The following LHPP variants were observed in gnomAD, a reference collection of about 807,000 sequenced individuals.
LHPP encodes the protein phospholysine phosphohistidine inorganic pyrophosphate phosphatase.
LHPP carries 24 observed loss-of-function variants against 30.3 expected under a neutral mutation model. The ratio of observed to expected loss-of-function variants is 0.79; its 90% CI spans 0.57 to 1.11. The LOEUF (loss-of-function observed/expected upper bound fraction) is 1.11, where lower values mean the gene tolerates loss of function less well. LHPP is among the 50% of genes most tolerant of loss of function. The probability of loss-of-function intolerance (pLI) is 0.00; values close to 1 mark genes in which losing one functional copy is unlikely to be tolerated. For synonymous variants in LHPP, 150 were observed against 157.1 expected (o/e 0.95, Z 0.34); for missense variants, 356 against 367.2 (o/e 0.97, Z 0.25).
intron 3 of LHPP, among the ~76,000 whole-genome samples, chr10:124,495,193 C>G (rs1953666877): frequency 6.6e-6 from 1 of 152,068 alleles, no homozygotes; most frequent in South Asian, 2.1e-4. Context: ...TTTTCAGGTC[C>G]CCCCTCTGTG....
At chr10:124,571,685 G>GTT (rs35969782) in intron 6 of LHPP, among the ~76,000 whole-genome samples, 4 of 152,062 alleles carry the variant, frequency 2.6e-5, no homozygotes, top group African/African-American at 7.2e-5. Flanking sequence ...GACTTTTTGT[G>GTT]TTTTTTTGCT....
intron 3 of LHPP, among the ~76,000 whole-genome samples, chr10:124,492,917 G>A (rs77517591): frequency 3.2e-4 from 49 of 152,248 alleles, no homozygotes; most frequent in African/African-American, 9.9e-4. Context: ...GCTGAGCTTC[G>A]TGGCACACGC....
chr10:124,530,857 A>G (rs1429565853), intron 6 of LHPP, among the ~76,000 whole-genome samples: 1 of 152,186 alleles, frequency 6.6e-6, no homozygotes, highest in East Asian at 1.9e-4. Context: ...GCAGCCCTGG[A>G]TTCCCTGGGC....
At chr10:124,601,570 C>G (rs535201857) in intron 6 of LHPP, among the ~76,000 whole-genome samples, 9 of 152,338 alleles carry the variant, frequency 5.9e-5, no homozygotes, top group African/African-American at 1.9e-4. Context: ...TCAGTGCGTC[C>G]CACCTCTGTT....
At chr10:124,477,265 T>C (rs1952979184) in intron 1 of LHPP, among the ~76,000 whole-genome samples, 1 of 152,136 alleles carries the variant, frequency 6.6e-6, no homozygotes, top group South Asian at 2.1e-4. Flanking sequence ...TGCACCTGCA[T>C]CTCTTTTCAC....
At chr10:124,506,274 A>AC in intron 5 of LHPP, among the ~76,000 whole-genome samples, 1 of 48,394 alleles carries the variant, frequency 2.1e-5, no homozygotes, top group East Asian at 8.3e-4. Context: ...CCCCCCCCCC[A>AC]CCCCGCGGTT....
intron 6 of LHPP, among the ~76,000 whole-genome samples, chr10:124,552,454 A>G (rs895996790): frequency 4.6e-5 from 7 of 152,242 alleles, no homozygotes; most frequent in Non-Finnish European, 8.8e-5. Flanking sequence ...GGAGCTGTCT[A>G]AAGAAGCACC....
intron 6 of LHPP, among the ~76,000 whole-genome samples, chr10:124,555,650 G>C (rs1289733589): frequency 6.6e-6 from 1 of 152,188 alleles, no homozygotes; most frequent in African/African-American, 2.4e-5. Flanking sequence ...TGCGCTGCCT[G>C]GTGTGCGGGG....
At chr10:124,516,184 C>T (rs1266686348) in intron 5 of LHPP, among the ~76,000 whole-genome samples, 2 of 152,198 alleles carry the variant, frequency 1.3e-5, no homozygotes, top group Non-Finnish European at 2.9e-5. Flanking sequence ...GATCAGGGTG[C>T]CAGCAAGTCC....
chr10:124,491,578 C>T (rs1953530337), intron 3 of LHPP, among the ~76,000 whole-genome samples: 1 of 152,188 alleles, frequency 6.6e-6, no homozygotes. Flanking sequence ...ACCCCAGACC[C>T]TGTGCGTGTT....
chr10:124,498,451 C>T (rs1953796287), intron 5 of LHPP: 1 of 1,498,670 alleles, frequency 6.7e-7, no homozygotes, highest in Non-Finnish European at 8.9e-7. Flanking sequence ...ACTGGCAAGA[C>T]AGTGTAACAG....
At chr10:124,519,188 A>G (rs1228722313) in intron 6 of LHPP, among the ~76,000 whole-genome samples, 1 of 152,040 alleles carries the variant, frequency 6.6e-6, no homozygotes, top group Non-Finnish European at 1.5e-5. Flanking sequence ...CCTCAGGCGA[A>G]CCACCCGCCT....
At chr10:124,491,214 T>C (rs1478029770) in intron 3 of LHPP, among the ~76,000 whole-genome samples, 1 of 152,238 alleles carries the variant, frequency 6.6e-6, no homozygotes, top group Non-Finnish European at 1.5e-5. Context: ...CAAGGACACT[T>C]TGGAGTGTCT....
At chr10:124,532,293 G>A (rs779275918) in intron 6 of LHPP, among the ~76,000 whole-genome samples, 5 of 152,234 alleles carry the variant, frequency 3.3e-5, no homozygotes, top group Non-Finnish European at 7.3e-5. Flanking sequence ...CCCCAGGTGT[G>A]CTTGTGTTGT....
chr10:124,562,949 A>G (rs7099522), intron 6 of LHPP, among the ~76,000 whole-genome samples: 26,931 of 151,576 alleles, frequency 0.18, 2,895 homozygotes, highest in Non-Finnish European at 0.24. Flanking sequence ...AAAAAAAGAA[A>G]AAAAAAAAGA....
chr10:124,577,205 C>T (rs528460670), intron 6 of LHPP, among the ~76,000 whole-genome samples: 6 of 152,206 alleles, frequency 3.9e-5, no homozygotes, highest in South Asian at 2.1e-4. Context: ...CTTGTGCTCC[C>T]GACCGCCAGG....
intron 6 of LHPP, among the ~76,000 whole-genome samples, chr10:124,542,067 G>A (rs1003821546): frequency 6.6e-6 from 1 of 152,132 alleles, no homozygotes; most frequent in Non-Finnish European, 1.5e-5. Flanking sequence ...CTCGGTGGCT[G>A]CCTCACCAAA....
chr10:124,543,679 C>T (rs984317405), intron 6 of LHPP, among the ~76,000 whole-genome samples: 2 of 152,204 alleles, frequency 1.3e-5, no homozygotes, highest in African/African-American at 4.8e-5. Flanking sequence ...AGCACAGCAG[C>T]GCACAGAAAA....
intron 3 of LHPP, among the ~76,000 whole-genome samples, chr10:124,489,666 A>G (rs548290420): frequency 2.0e-5 from 3 of 151,934 alleles, no homozygotes; most frequent in Admixed American, 1.3e-4. Flanking sequence ...GTTGGCCAGG[A>G]TGGTCTCAAT....
Sources: gnomAD v4.1 joint callset for allele counts (sites outside exome capture counted in the v4.1 genomes callset) on GRCh38, gnomAD v4.1.1 for gene constraint, MANE v1.5 for transcripts, NCBI Gene and HGNC (gene_info 2026-07-23, HGNC 2026-07-21) for gene names.